TBC1D8: variants seen among roughly 807,000 people sequenced by gnomAD.
TBC1D8 encodes the protein TBC1 domain family member 8, also known as BUB2-like protein 1.
TBC1D8 carries 65 observed loss-of-function variants against 118.8 expected under a neutral mutation model. The observed-to-expected ratio is 0.55, with a 90% CI of 0.45 to 0.67. TBC1D8 has a LOEUF of 0.67. TBC1D8 is among the 30% of genes least tolerant of loss of function. The probability of loss-of-function intolerance (pLI) is 0.00; values close to 1 mark genes in which losing one functional copy is unlikely to be tolerated. For missense variants in TBC1D8, 1,376 were observed against 1,471.2 expected (o/e 0.94, Z 1.06); for synonymous variants, 566 against 595.8 (o/e 0.95, Z 0.73).
intron 1 of TBC1D8, among the ~76,000 whole-genome samples, chr2:101,090,722 T>G (rs1042732636): frequency 6.6e-6 from 1 of 152,230 alleles, no homozygotes; most frequent in South Asian, 2.1e-4. Context: ...CTCCACCACT[T>G]TCAATCTGTG....
chr2:101,101,883 C>A (rs1676860447), intron 1 of TBC1D8, among the ~76,000 whole-genome samples: 3 of 151,878 alleles, frequency 2.0e-5, no homozygotes, highest in African/African-American at 4.8e-5. Context: ...CAACACACAC[C>A]AGAGCCTGTT....
chr2:101,012,921 ATCCAC>A (rs769994253), intron 17 of TBC1D8, among the ~76,000 whole-genome samples: 14 of 152,238 alleles, frequency 9.2e-5, no homozygotes, highest in Non-Finnish European at 7.3e-5. Context: ...ACATGTAAGA[ATCCAC>A]TCAAACTGAA....
intron 17 of TBC1D8, among the ~76,000 whole-genome samples, chr2:101,016,529 A>T (rs1679649330): frequency 6.6e-6 from 1 of 152,180 alleles, no homozygotes; most frequent in Non-Finnish European, 1.5e-5. Flanking sequence ...TTCCTCAGGG[A>T]TCTAGAACTA....
chr2:101,038,568 T>C lies in TBC1D8; in HGVS notation c.1168A>G (p.Ile390Val). The C allele has an allele frequency of 1.2e-6, 2 of 1,613,922 alleles. No individual in the cohort carries two copies. Among genetic ancestry groups the C allele is most frequent in the Non-Finnish European group, 1.7e-6 (2 of 1,179,874 alleles). ...AGGCTGTCTCGGTCCCGGAGCTCAA[T>C]GAACTGGAAGGCCACCTTGCTTCTG... ...SIRSKVAFQFIELRDRDSLVE... is the reference protein window; with the variant it reads ...SIRSKVAFQFVELRDRDSLVE... Residue 390 changes from isoleucine to valine, a missense_variant, in exon 7 of 20, where the codon ATT (isoleucine) becomes GTT (valine). By Grantham distance (29) the Ile-to-Val change is conservative. Transcript: ENST00000409318.
At chr2:101,142,552 A>G (rs1350468239) in intron 1 of TBC1D8, among the ~76,000 whole-genome samples, 1 of 152,218 alleles carries the variant, frequency 6.6e-6, no homozygotes, top group African/African-American at 2.4e-5. Flanking sequence ...TAATACATTC[A>G]CTCAATGGAT....
chr2:101,014,311 C>G (rs1679453450), intron 17 of TBC1D8, among the ~76,000 whole-genome samples: 1 of 152,104 alleles, frequency 6.6e-6, no homozygotes, highest in Non-Finnish European at 1.5e-5. Context: ...TCATCTAGCC[C>G]AAGCTGCCCA....
At chr2:101,086,045 G>A (rs1293708412) in intron 2 of TBC1D8, among the ~76,000 whole-genome samples, 1 of 151,972 alleles carries the variant, frequency 6.6e-6, no homozygotes, top group African/African-American at 2.4e-5. Context: ...GGGAGGCTGA[G>A]GCAGGAGAAT....
intron 2 of TBC1D8, among the ~76,000 whole-genome samples, 168 bp downstream of exon 2, chr2:101,090,041 G>A (rs1192934716): frequency 6.8e-6 from 1 of 147,388 alleles, no homozygotes; most frequent in East Asian, 2.1e-4. Flanking sequence ...GGAGAGGAGG[G>A]AAGGAGAGGG....
intron 1 of TBC1D8, among the ~76,000 whole-genome samples, chr2:101,132,390 T>C (rs1678633425): frequency 6.6e-6 from 1 of 152,200 alleles, no homozygotes; most frequent in African/African-American, 2.4e-5. Flanking sequence ...ATCCCCAAGC[T>C]GCCAGGTGAC....
intron 17 of TBC1D8, among the ~76,000 whole-genome samples, chr2:101,015,861 G>C (rs1311766293): frequency 1.3e-5 from 2 of 152,098 alleles, no homozygotes; most frequent in Non-Finnish European, 2.9e-5. Context: ...GGGAAAACTG[G>C]CTAGCCATAT....
At position 101,046,079 on chromosome 2, in the gene TBC1D8, G is replaced by A. The variant is rs78151095; in HGVS notation, c.872+4322C>T. On this transcript the variant is annotated intron_variant, in intron 5 of 19. Coordinates refer to ENST00000409318, the MANE Select transcript of TBC1D8 (RefSeq NM_001330348.2). Reference sequence around the variant, plus strand: ...AATCTAAAAACAAGGCCAGATCCACGTGCTTTTCCTCAAAGCCCAAGTCTG... The same window carrying A: ...AATCTAAAAACAAGGCCAGATCCACATGCTTTTCCTCAAAGCCCAAGTCTG... Among the ~76,000 whole-genome samples, 702 of 152,218 alleles carry A rather than the reference G, an allele frequency of 4.6e-3. 14 individuals are homozygous for A. The highest frequency in any genetic ancestry group is 0.016 in the African/African-American group (669 of 41,540).
At chr2:101,133,911 G>C (rs1253951186) in intron 1 of TBC1D8, among the ~76,000 whole-genome samples, 2 of 152,176 alleles carry the variant, frequency 1.3e-5, no homozygotes, top group Non-Finnish European at 2.9e-5. Context: ...GCAGGACAGA[G>C]AGAGTGTGTG....
intron 1 of TBC1D8, among the ~76,000 whole-genome samples, chr2:101,133,055 G>C (rs1678663813): frequency 6.6e-6 from 1 of 151,166 alleles, no homozygotes; most frequent in Non-Finnish European, 1.5e-5. Flanking sequence ...AGCTACTCGG[G>C]AGGCTGAGGC....
intron 11 of TBC1D8, among the ~76,000 whole-genome samples, chr2:101,031,907 G>T (rs192276365): frequency 9.9e-5 from 15 of 151,962 alleles, no homozygotes; most frequent in Non-Finnish European, 1.5e-4. Context: ...CCCTTTCCAG[G>T]CCATGGCATC....
intron 16 of TBC1D8, 41 bp from the exon 17 acceptor site, chr2:101,021,787 A>T (rs1163386024): frequency 1.8e-5 from 23 of 1,308,762 alleles, no homozygotes; most frequent in Non-Finnish European, 2.2e-5. Context: ...GCCAATGCTG[A>T]AAGTCCATTT....
At chr2:101,012,915 G>T (rs1178505950) in intron 17 of TBC1D8, among the ~76,000 whole-genome samples, 1 of 152,210 alleles carries the variant, frequency 6.6e-6, no homozygotes, top group Non-Finnish European at 1.5e-5. Flanking sequence ...AGTGGCACAT[G>T]TAAGAATCCA....
At chr2:101,059,837 G>A (rs1682660861) in intron 2 of TBC1D8, among the ~76,000 whole-genome samples, 1 of 152,190 alleles carries the variant, frequency 6.6e-6, no homozygotes, top group South Asian at 2.1e-4. Flanking sequence ...TACTCGGGAG[G>A]CTGAGGCAGG....
intron 1 of TBC1D8, among the ~76,000 whole-genome samples, chr2:101,127,050 C>G (rs1464226861): frequency 6.6e-6 from 1 of 152,132 alleles, no homozygotes; most frequent in Non-Finnish European, 1.5e-5. Context: ...GAAATTGAGG[C>G]CCCTGGCCAG....
At chr2:101,132,319 CA>C (rs1256461657) in intron 1 of TBC1D8, among the ~76,000 whole-genome samples, 3 of 152,286 alleles carry the variant, frequency 2.0e-5, no homozygotes, top group African/African-American at 7.2e-5. Context: ...CTGTCCTACA[CA>C]AAAGAGCAGT....
Sources: gnomAD v4.1 joint callset for allele counts (sites outside exome capture counted in the v4.1 genomes callset) on GRCh38, gnomAD v4.1.1 for gene constraint, MANE v1.5 for transcripts, NCBI Gene and HGNC (gene_info 2026-07-23, HGNC 2026-07-21) for gene names.